The following GLG1 variants were observed in gnomAD, a reference collection of about 807,000 sequenced individuals.
GLG1 encodes Golgi apparatus protein 1.
A neutral mutation model predicts 160.5 loss-of-function variants in GLG1; 38 were observed. The ratio of observed to expected loss-of-function variants is 0.24; its 90% CI spans 0.18 to 0.31. GLG1 has a LOEUF of 0.31. Ranked by LOEUF, GLG1 falls within the 10% of genes least tolerant of loss-of-function variation. The probability of loss-of-function intolerance (pLI) is 1.00; values close to 1 mark genes in which losing one functional copy is unlikely to be tolerated. For synonymous variants in GLG1, 644 were observed against 543.4 expected (o/e 1.19, Z -2.57); for missense variants, 1,373 against 1,505.2 (o/e 0.91, Z 1.45).
intron 1 of GLG1, among the ~76,000 whole-genome samples, chr16:74,557,522 A>G (rs2018385926): frequency 6.6e-6 from 1 of 152,178 alleles, no homozygotes; most frequent in African/African-American, 2.4e-5. Context: ...AGATACTAGT[A>G]GGCCAAAACT....
At chr16:74,539,054 A>G (rs1289232972) in intron 1 of GLG1, among the ~76,000 whole-genome samples, 1 of 151,228 alleles carries the variant, frequency 6.6e-6, no homozygotes, top group East Asian at 2.0e-4. Flanking sequence ...GAAAAGGCAC[A>G]TTCTGTGCCG....
At chr16:74,480,786 A>C (rs547656905) in intron 10 of GLG1, among the ~76,000 whole-genome samples, 8 of 152,238 alleles carry the variant, frequency 5.3e-5, no homozygotes, top group African/African-American at 1.9e-4. Context: ...TCCTGAGCTC[A>C]AGCAATCAGC....
At chr16:74,472,491 A>C in intron 13 of GLG1, 80 bp from the exon 14 acceptor site, 1 of 1,344,066 alleles carries the variant, frequency 7.4e-7, no homozygotes, top group South Asian at 1.3e-5. Flanking sequence ...TTTCTGAATC[A>C]GTAATATCTG....
intron 1 of GLG1, among the ~76,000 whole-genome samples, chr16:74,535,985 C>G (rs759212035): frequency 5.3e-5 from 8 of 151,880 alleles, no homozygotes; most frequent in Non-Finnish European, 1.0e-4. Context: ...TTATACTACC[C>G]GGGGAATGGT....
chr16:74,549,616 T>C (rs895107303), intron 1 of GLG1, among the ~76,000 whole-genome samples: 3 of 152,152 alleles, frequency 2.0e-5, no homozygotes, highest in Non-Finnish European at 4.4e-5. Context: ...ACATAGTGCC[T>C]AGCACAGCTA....
chr16:74,575,231 G>C (rs886847739), intron 1 of GLG1, among the ~76,000 whole-genome samples: 1 of 151,958 alleles, frequency 6.6e-6, no homozygotes, highest in Non-Finnish European at 1.5e-5. Context: ...AGGCCACAGA[G>C]CGAGACTCCA....
chr16:74,593,405 C>T (rs8057279), intron 1 of GLG1, among the ~76,000 whole-genome samples: 106,180 of 149,428 alleles, frequency 0.71, 38,328 homozygotes, highest in African/African-American at 0.83. Flanking sequence ...TAGTTTACAC[C>T]TAAATTACAA....
intron 1 of GLG1, among the ~76,000 whole-genome samples, chr16:74,565,733 C>T (rs898841122): frequency 1.3e-5 from 2 of 152,176 alleles, no homozygotes; most frequent in African/African-American, 4.8e-5. Flanking sequence ...CTGCCTGATT[C>T]GCAAATTATT....
At chr16:74,478,519 C>A (rs933412863) in intron 11 of GLG1, among the ~76,000 whole-genome samples, 11 of 152,136 alleles carry the variant, frequency 7.2e-5, no homozygotes, top group Non-Finnish European at 1.6e-4. Context: ...TTAATGAACA[C>A]AGGGTTTCCT....
At chr16:74,593,430 CTTTT>C (rs11342633) in intron 1 of GLG1, among the ~76,000 whole-genome samples, 2 of 96,410 alleles carry the variant, frequency 2.1e-5, no homozygotes, top group Non-Finnish European at 2.0e-5. Context: ...AGTACCAGAG[CTTTT>C]TTTTTTTTTT....
At chr16:74,516,715 C>T (rs1056319695) in intron 2 of GLG1, among the ~76,000 whole-genome samples, 4 of 152,236 alleles carry the variant, frequency 2.6e-5, no homozygotes, top group Non-Finnish European at 2.9e-5. Context: ...CGGAGCAGAA[C>T]TGAAGGAGAC....
At chr16:74,587,265 C>T (rs893767760) in intron 1 of GLG1, among the ~76,000 whole-genome samples, 3 of 152,148 alleles carry the variant, frequency 2.0e-5, no homozygotes, top group African/African-American at 7.2e-5. Flanking sequence ...GAAGTGGCTT[C>T]CCGGCTGCAA....
At chr16:74,467,696 A>G (rs2015049267) in intron 18 of GLG1, 60 bp downstream of exon 18, 1 of 1,177,066 alleles carries the variant, frequency 8.5e-7, no homozygotes, top group Non-Finnish European at 1.3e-6. Context: ...GCTTTTGAGA[A>G]AACATTAAAT....
intron 2 of GLG1, among the ~76,000 whole-genome samples, chr16:74,524,930 G>T (rs2017288767): frequency 6.6e-6 from 1 of 152,060 alleles, no homozygotes; most frequent in Admixed American, 6.6e-5. Context: ...TCCTTTTTGT[G>T]ATCTTTTGAG....
intron 24 of GLG1, 43 bp downstream of exon 24, chr16:74,457,831 C>G (rs1309801041): frequency 6.3e-7 from 1 of 1,598,984 alleles, no homozygotes. Context: ...TTGCTCTTCC[C>G]AAGAGAGTTC....
chr16:74,601,801 T>C (rs1344812577), intron 1 of GLG1, among the ~76,000 whole-genome samples: 1 of 152,172 alleles, frequency 6.6e-6, no homozygotes, highest in Non-Finnish European at 1.5e-5. Flanking sequence ...TATAAACCTA[T>C]GGCATTCTCA....
chr16:74,471,182 G>A lies in GLG1; in HGVS notation c.2220C>T (p.His740=), dbSNP rs764341280. ...GCCAGGTGTCACTGACCAGCTGGAA[G>A]TGGGTAACTCCGATGGCACACTTCT... is the stretch of plus-strand genomic sequence containing the variant. ...MNEKCAIGVT[H]FQLVQMKDFR... is the part of the protein sequence containing the mutation. Residue 740 remains histidine, a synonymous_variant, in exon 15 of 26, where the codon CAC becomes CAT. Coordinates refer to ENST00000422840, the MANE Select transcript of GLG1 (RefSeq NM_001145667.2). The A allele has an allele frequency of 6.3e-7, 1 of 1,587,150 alleles. No individual in the cohort carries two copies. Among genetic ancestry groups the A allele is most frequent in the South Asian group, 1.1e-5 (1 of 90,550 alleles).
At chr16:74,513,235 C>T (rs561295863) in intron 2 of GLG1, among the ~76,000 whole-genome samples, 12 of 152,152 alleles carry the variant, frequency 7.9e-5, no homozygotes, top group African/African-American at 2.2e-4. Flanking sequence ...GAGGCAAGAA[C>T]TTATTTGAAT....
At chr16:74,579,501 C>G (rs929639473) in intron 1 of GLG1, among the ~76,000 whole-genome samples, 2 of 151,408 alleles carry the variant, frequency 1.3e-5, no homozygotes, top group East Asian at 3.9e-4. Flanking sequence ...GTGGGTGGAT[C>G]ACCTGAGGTC....
Sources: allele counts gnomAD v4.1 joint callset (sites outside exome capture counted in the v4.1 genomes callset), GRCh38; gene constraint gnomAD v4.1.1; transcripts MANE v1.5; gene names NCBI Gene and HGNC (gene_info 2026-07-23, HGNC 2026-07-21).